Variants in SYN3 observed in about 807,000 individuals in gnomAD.
SYN3 encodes synapsin-3.
Under a neutral mutation model 65.8 loss-of-function variants are expected in SYN3, and 35 were observed. The ratio of observed to expected loss-of-function variants is 0.53; its 90% confidence interval spans 0.41 to 0.70. The LOEUF (loss-of-function observed/expected upper bound fraction) is 0.70. Ranked by LOEUF, SYN3 falls within the 30% of genes least tolerant of loss-of-function variation. The probability of loss-of-function intolerance (pLI) is 0.00; values close to 1 mark genes in which losing one functional copy is unlikely to be tolerated. For synonymous variants in SYN3, 270 were observed against 292.9 expected (o/e 0.92, Z 0.80); for missense variants, 680 against 749.0 (o/e 0.91, Z 1.08).
At chr22:32,620,883 CTA>C (rs1569098191) in intron 6 of SYN3, among the ~76,000 whole-genome samples, 2 of 150,680 alleles carry the variant, frequency 1.3e-5, no homozygotes, top group East Asian at 3.9e-4. Flanking sequence ...CCAAGTCCAG[CTA>C]AGTTTTGTAT....
intron 1 of SYN3, among the ~76,000 whole-genome samples, chr22:33,034,437 G>A (rs150980562): frequency 3.2e-4 from 49 of 151,816 alleles, no homozygotes; most frequent in African/African-American, 1.1e-3. Context: ...TAGTAGAGAC[G>A]GGGTTTCACG....
At chr22:32,641,601 CCATCTCAAAAA>C (rs1171349217) in intron 6 of SYN3, among the ~76,000 whole-genome samples, 1 of 114,028 alleles carries the variant, frequency 8.8e-6, no homozygotes, top group African/African-American at 3.9e-5. Context: ...GAGCAAGACT[CCATCTCAAAAA>C]AAAAAAAAAA....
intron 1 of SYN3, among the ~76,000 whole-genome samples, chr22:33,056,272 G>A (rs2054252126): frequency 6.6e-6 from 1 of 152,218 alleles, no homozygotes. Context: ...AAAGGTGAGA[G>A]AAATGAATAC....
At chr22:32,871,825 T>C (rs924493138) in intron 4 of SYN3, among the ~76,000 whole-genome samples, 1 of 152,112 alleles carries the variant, frequency 6.6e-6, no homozygotes, top group African/African-American at 2.4e-5. Flanking sequence ...AGATGAGATT[T>C]TGCTGTTACC....
At chr22:32,547,746 T>C (rs1386111474) in intron 7 of SYN3, among the ~76,000 whole-genome samples, 1 of 152,180 alleles carries the variant, frequency 6.6e-6, no homozygotes, top group Non-Finnish European at 1.5e-5. Flanking sequence ...AGGTCTCCTG[T>C]TCCAAATTAC....
chr22:32,618,275 A>G lies in SYN3; in HGVS notation c.712-21539T>C, dbSNP rs563210500. The stretch of plus-strand genomic sequence containing the variant: ...TGAAATTGTAGGAAACTGATGCCTG[A>G]GTGGGGCGAGGAGGGTTCAGGTCTC... On this transcript the variant is annotated intron_variant, in intron 6 of 13. Coordinates refer to ENST00000358763, the MANE Select transcript of SYN3 (RefSeq NM_003490.4). 9.9e-4 allele frequency among the ~76,000 whole-genome samples: 151 copies of G among 152,206 alleles called. 1 individual carries two copies. Among genetic ancestry groups the G allele is most frequent in the Admixed American group, 9.3e-3 (142 of 15,296 alleles).
chr22:32,598,129 G>A (rs867180455), intron 6 of SYN3, among the ~76,000 whole-genome samples: 4 of 151,972 alleles, frequency 2.6e-5, no homozygotes, highest in African/African-American at 4.8e-5. Context: ...CCTTCTCCTC[G>A]GCTGTCCATG....
chr22:32,943,969 A>C (rs559763925), intron 3 of SYN3, among the ~76,000 whole-genome samples: 2 of 152,312 alleles, frequency 1.3e-5, no homozygotes, highest in East Asian at 3.9e-4. Flanking sequence ...AGACTTAACA[A>C]AGAGACTTAG....
chr22:32,926,364 C>T (rs1004100539), intron 4 of SYN3, among the ~76,000 whole-genome samples: 2 of 152,154 alleles, frequency 1.3e-5, no homozygotes, highest in African/African-American at 4.8e-5. Context: ...TCCTAATCTC[C>T]AATAATCAGG....
chr22:32,557,512 G>A (rs930650255), intron 7 of SYN3, among the ~76,000 whole-genome samples: 2 of 152,186 alleles, frequency 1.3e-5, no homozygotes, highest in Non-Finnish European at 2.9e-5. Context: ...CAACTGTACT[G>A]CACAGTTTAC....
chr22:32,866,564 A>G (rs542340004), intron 5 of SYN3, among the ~76,000 whole-genome samples: 1 of 152,230 alleles, frequency 6.6e-6, no homozygotes, highest in African/African-American at 2.4e-5. Context: ...AGCAACTCCT[A>G]CTCATAAGGG....
chr22:32,602,895 T>A (rs1373288669), intron 6 of SYN3, among the ~76,000 whole-genome samples: 1 of 152,196 alleles, frequency 6.6e-6, no homozygotes, highest in Non-Finnish European at 1.5e-5. Flanking sequence ...TTTGTACACA[T>A]GTCCTTATGA....
chr22:33,006,444 G>T lies in SYN3; in HGVS notation c.219C>A (p.Ala73=). The change falls in exon 2 of 14, where the codon GCC becomes GCA. Residue 73 remains alanine, a synonymous_variant. Transcript: ENST00000358763. ...CTGGAGGCTCCATCAGTCCTGAGGT[G>T]GCCTGAGGGGCCTGCTTCATGGCAC... ...LSSAMKQAPQ[A]TSGLMEPPGP... is the part of the protein sequence containing the mutation. 1 of 1,614,172 alleles carries T rather than the reference G, an allele frequency of 6.2e-7. No individual in the cohort carries two copies. The highest frequency in any genetic ancestry group is 8.5e-7 in the Non-Finnish European group (1 of 1,180,042).
chr22:32,933,994 G>A (rs945344503), intron 3 of SYN3, among the ~76,000 whole-genome samples: 1 of 152,174 alleles, frequency 6.6e-6, no homozygotes, highest in Non-Finnish European at 1.5e-5. Flanking sequence ...GCCTCTTGCT[G>A]TAATTAATAA....
chr22:32,757,877 A>G (rs1037010967), intron 6 of SYN3, among the ~76,000 whole-genome samples: 2 of 152,196 alleles, frequency 1.3e-5, no homozygotes, highest in African/African-American at 4.8e-5. Context: ...CAGGAAAAAA[A>G]CCACGACCTG....
chr22:32,671,865 A>G (rs2060376090), intron 6 of SYN3, among the ~76,000 whole-genome samples: 3 of 152,182 alleles, frequency 2.0e-5, no homozygotes, highest in Non-Finnish European at 2.9e-5. Context: ...ACACGCTCTC[A>G]CACAGGTACA....
At chr22:32,621,479 G>A (rs1220882865) in intron 6 of SYN3, among the ~76,000 whole-genome samples, 1 of 152,134 alleles carries the variant, frequency 6.6e-6, no homozygotes, top group Non-Finnish European at 1.5e-5. Context: ...CATCTCAGAT[G>A]GAGGGTGGGC....
chr22:32,959,428 G>A (rs938470966), intron 3 of SYN3, among the ~76,000 whole-genome samples: 3 of 151,908 alleles, frequency 2.0e-5, no homozygotes, highest in Non-Finnish European at 4.4e-5. Flanking sequence ...GTGCACGCCT[G>A]TAATCTCAGC....
chr22:32,792,461 GTTTGAAA>G (rs2046344526), intron 6 of SYN3, among the ~76,000 whole-genome samples: 1 of 152,178 alleles, frequency 6.6e-6, no homozygotes, highest in South Asian at 2.1e-4. Flanking sequence ...TCAATCTCAT[GTTTGAAA>G]TTTCAGGAGG....
Sources: gnomAD v4.1 joint callset for allele counts (sites outside exome capture counted in the v4.1 genomes callset) on GRCh38, gnomAD v4.1.1 for gene constraint, MANE v1.5 for transcripts, NCBI Gene and HGNC (gene_info 2026-07-23, HGNC 2026-07-21) for gene names.